CUX1: variants seen among roughly 807,000 people sequenced by gnomAD.
CUX1 encodes cut like homeobox 1, also known as protein CASP.
In CUX1, 31 loss-of-function variants were observed where a neutral mutation model predicts 158.8. That is an observed-to-expected ratio of 0.20 (90% CI 0.15 to 0.26). The LOEUF is 0.26. CUX1 is among the 10% of genes least tolerant of loss of function. The pLI is 1.00. For missense variants in CUX1, 1,589 were observed against 2,014.6 expected, an observed-to-expected ratio of 0.79 and a Z score of 4.04; for synonymous variants, 879 against 862.1, an observed-to-expected ratio of 1.02 and a Z score of -0.34.
At chr7:101,998,822 T>G (rs1366914502) in intron 2 of CUX1, among the ~76,000 whole-genome samples, 16 of 152,146 alleles carry the variant, frequency 1.1e-4, no homozygotes, top group Admixed American at 1.0e-3. Flanking sequence ...AGTGTCCAGC[T>G]CTCTCTTCGT....
chr7:102,274,985 CA>C (rs2132813367), intron 16 of CUX1, among the ~76,000 whole-genome samples: 1 of 152,316 alleles, frequency 6.6e-6, no homozygotes, highest in South Asian at 2.1e-4. Flanking sequence ...GGCCCTCTGA[CA>C]GCGCAGACGG....
At chr7:102,126,034 G>C (rs1277001604) in intron 8 of CUX1, among the ~76,000 whole-genome samples, 3 of 151,792 alleles carry the variant, frequency 2.0e-5, no homozygotes, top group African/African-American at 7.3e-5. Flanking sequence ...TTATTTTTGA[G>C]ATAGAGTCTC....
intron 5 of CUX1, among the ~76,000 whole-genome samples, chr7:102,100,794 T>C (rs1554486080): frequency 8.0e-6 from 1 of 125,086 alleles, no homozygotes. Flanking sequence ...TAACAAGACC[T>C]ATCTCTTAAA....
intron 8 of CUX1, among the ~76,000 whole-genome samples, chr7:102,145,673 G>A (rs377284888): frequency 4.6e-5 from 7 of 152,262 alleles, no homozygotes; most frequent in East Asian, 1.9e-4. Context: ...AGGGCCGGGC[G>A]CGGTGGCTCA....
intron 1 of CUX1, among the ~76,000 whole-genome samples, chr7:101,903,867 C>T (rs1802439498): frequency 6.6e-6 from 1 of 152,116 alleles, no homozygotes; most frequent in Non-Finnish European, 1.5e-5. Flanking sequence ...ATGGAAATCT[C>T]TCAGTCCTGA....
chr7:102,045,397 C>G (rs1441654336), intron 3 of CUX1, among the ~76,000 whole-genome samples: 4 of 152,358 alleles, frequency 2.6e-5, no homozygotes, highest in Middle Eastern at 3.4e-3. Context: ...ATCACGGCCG[C>G]CCGCCCGGCG....
At chr7:102,207,694 C>G (rs1554522086) in intron 20 of CUX1, among the ~76,000 whole-genome samples, 1 of 152,050 alleles carries the variant, frequency 6.6e-6, no homozygotes, top group African/African-American at 2.4e-5. Context: ...TCAGGTGATC[C>G]CCCCACCTTG....
At chr7:102,010,258 G>A (rs1817839763) in intron 2 of CUX1, among the ~76,000 whole-genome samples, 1 of 152,096 alleles carries the variant, frequency 6.6e-6, no homozygotes, top group Admixed American at 6.6e-5. Flanking sequence ...AGCCAGGCAT[G>A]GTGGTGAGTG....
intron 6 of CUX1, among the ~76,000 whole-genome samples, chr7:102,109,410 C>A (rs186298335): frequency 3.3e-5 from 5 of 152,210 alleles, no homozygotes; most frequent in Admixed American, 3.3e-4. Flanking sequence ...GCAGAGTATA[C>A]GAAAACACAC....
At chr7:102,195,411 C>T (rs568307788) in intron 13 of CUX1, 96 bp from the exon 14 acceptor site, 180 of 955,698 alleles carry the variant, frequency 1.9e-4, no homozygotes, top group Non-Finnish European at 2.6e-4. Flanking sequence ...GGTGGGAACG[C>T]GGACAGATGG....
chr7:102,020,139 A>T (rs1819173055), intron 2 of CUX1, among the ~76,000 whole-genome samples: 1 of 152,272 alleles, frequency 6.6e-6, no homozygotes, highest in African/African-American at 2.4e-5. Context: ...AGAAATTGCC[A>T]GGACATACTT....
intron 5 of CUX1, among the ~76,000 whole-genome samples, chr7:102,100,302 G>A (rs548204987): frequency 6.6e-6 from 1 of 152,296 alleles, no homozygotes; most frequent in Non-Finnish European, 1.5e-5. Context: ...TCTGGAGGCA[G>A]ACAGACAGAC....
chr7:102,101,563 G>A (rs1049559320), intron 5 of CUX1, among the ~76,000 whole-genome samples: 1 of 152,228 alleles, frequency 6.6e-6, no homozygotes, highest in Non-Finnish European at 1.5e-5. Context: ...GAGCCCCACT[G>A]GAGCAAGCGT....
rs76654842 is a variant in CUX1, at chr7:102,097,029, G to A, written c.269-335G>A. Among the ~76,000 whole-genome samples the A allele has an allele frequency of 0.015, 2,271 of 152,304 alleles. 120 individuals are homozygous for A. The East Asian group carries it at 0.18, about 12-fold the overall frequency. ...TCCGGGGATGTGATTGACCTCCTGG[G>A]GCTGCTACCTGGTGTATTTCTCTAC... On this transcript the variant is annotated intron_variant, in intron 4 of 23. Transcript: ENST00000292535.
intron 2 of CUX1, among the ~76,000 whole-genome samples, chr7:101,926,221 C>A (rs895045542): frequency 1.3e-5 from 2 of 152,130 alleles, no homozygotes; most frequent in Admixed American, 6.6e-5. Context: ...TTATAATAAG[C>A]CTTTAACTAG....
At chr7:102,170,270 C>G (rs1014611390) in intron 9 of CUX1, among the ~76,000 whole-genome samples, 176 bp from the exon 10 acceptor site, 5 of 152,200 alleles carry the variant, frequency 3.3e-5, no homozygotes, top group African/African-American at 1.2e-4. Flanking sequence ...CTTCCTTGTA[C>G]TGTTTAAAAT....
rs36052208 is a variant in CUX1 at position 101,965,848 on chromosome 7, CAAAAAAAA to C, written c.141+49642_141+49649del. On this transcript the variant is annotated intron_variant, in intron 2 of 23. Transcript: ENST00000292535. The stretch of plus-strand genomic sequence containing the variant: ...TGGGCAACAGTGTGTGACTCCATCT[CAAAAAAAA>C]AAAAAAAAAAAAAAAAAAGATGACT... Among the ~76,000 whole-genome samples the C allele has an allele frequency of 1.1e-3, 57 of 50,168 alleles. 2 individuals carry two copies. The South Asian group carries it at 0.067, about 59-fold the overall frequency. 32.9% of individuals were successfully genotyped at this position (50,168 alleles called of 152,430 possible). A position where few individuals can be genotyped will look rare whatever the true frequency, so the allele number is the denominator to read the frequency against.
At chr7:101,898,421 G>A (rs527741995) in intron 1 of CUX1, among the ~76,000 whole-genome samples, 2 of 152,232 alleles carry the variant, frequency 1.3e-5, no homozygotes, top group South Asian at 2.1e-4. Context: ...ACTGGCAGCC[G>A]CCGGGACGGG....
intron 23 of CUX1, among the ~76,000 whole-genome samples, chr7:102,244,390 C>A (rs1256870290): frequency 2.0e-5 from 3 of 151,970 alleles, no homozygotes; most frequent in Admixed American, 1.3e-4. Flanking sequence ...TTAGAAATAT[C>A]TCTGGCTAAA....
Sources: allele counts gnomAD v4.1 joint callset (sites outside exome capture counted in the v4.1 genomes callset), GRCh38; gene constraint gnomAD v4.1.1; transcripts MANE v1.5; gene names NCBI Gene and HGNC (gene_info 2026-07-23, HGNC 2026-07-21).